CRTAM: variants seen among roughly 807,000 people sequenced by gnomAD.
CRTAM encodes cytotoxic and regulatory T cell molecule.
CRTAM carries 44 observed loss-of-function variants against 50.0 expected under a neutral mutation model. The observed-to-expected ratio is 0.88, with a 90% CI of 0.69 to 1.13. CRTAM has a LOEUF of 1.13. CRTAM is among the 50% of genes most tolerant of loss of function. CRTAM has a pLI of 0.00. For synonymous variants in CRTAM, 159 were observed against 169.3 expected, an observed-to-expected ratio of 0.94 and a Z score of 0.47; for missense variants, 448 against 457.5, an observed-to-expected ratio of 0.98 and a Z score of 0.19.
intron 9 of CRTAM, among the ~76,000 whole-genome samples, chr11:122,869,655 G>A (rs1248251814): frequency 6.6e-6 from 1 of 152,202 alleles, no homozygotes; most frequent in Non-Finnish European, 1.5e-5. Context: ...GCCAGGAGCT[G>A]CAAGAAATAC....
intron 1 of CRTAM, 97 bp downstream of exon 1, chr11:122,838,689 T>A (rs2135224234): frequency 1.8e-6 from 2 of 1,138,348 alleles, no homozygotes; most frequent in Non-Finnish European, 2.6e-6. Flanking sequence ...GAGGAGCTGC[T>A]GTAGAAGACA....
Position 122,872,519 on chromosome 11 carries a change from G to A in CRTAM, c.*1120G>A, listed in dbSNP as rs1862269253. The A allele has an allele frequency of 6.6e-6, 1 of 152,642 alleles. No homozygotes were observed. The highest frequency in any genetic ancestry group is 2.4e-5 in the African/African-American group (1 of 41,450). 9.5% of individuals were successfully genotyped at this position (152,642 alleles called of 1,614,324 possible). A position where few individuals can be genotyped will look rare whatever the true frequency, so the allele number is the denominator to read the frequency against. ...AGTTATACTTCCTGTTTTCACGTGT[G>A]AAAGTAACATGGGACATGCCTTTCT... On this transcript the variant is annotated 3_prime_UTR_variant, in exon 10 of 10. Transcript: ENST00000227348.
intron 1 of CRTAM, among the ~76,000 whole-genome samples, chr11:122,849,714 C>T (rs548862965): frequency 4.6e-4 from 70 of 151,694 alleles, no homozygotes; most frequent in Non-Finnish European, 7.9e-4. Flanking sequence ...CAGAGTGAGA[C>T]TTTGTCTCAA....
intron 5 of CRTAM, among the ~76,000 whole-genome samples, chr11:122,861,849 C>A (rs1313725808): frequency 3.9e-5 from 6 of 152,032 alleles, no homozygotes; most frequent in Admixed American, 6.6e-5. Context: ...ACTAGGCTGA[C>A]CCTCTGGAAA....
At chr11:122,850,040 G>T (rs1489373718) in intron 1 of CRTAM, 28 bp from the exon 2 acceptor site, 1 of 1,569,362 alleles carries the variant, frequency 6.4e-7, no homozygotes, top group South Asian at 1.2e-5. Flanking sequence ...CCCCCGGCCT[G>T]ATCATCCCCA....
chr11:122,849,288 G>C (rs1187713170), intron 1 of CRTAM, among the ~76,000 whole-genome samples: 3 of 152,222 alleles, frequency 2.0e-5, no homozygotes, highest in African/African-American at 4.8e-5. Context: ...GCTTAGATAG[G>C]CTGATGTAGT....
In CRTAM at chr11:122,860,834, A is replaced by C. The variant is rs924093738; in HGVS notation, c.653-1630A>C. Among the ~76,000 whole-genome samples, 7 of 152,148 alleles carry C rather than the reference A, an allele frequency of 4.6e-5. No homozygotes were observed. The East Asian group carries it at 9.7e-4, about 21-fold the overall frequency. On this transcript the variant is annotated intron_variant, in intron 5 of 9. Transcript: ENST00000227348. ...ATCCTCCTACCTTGGCCTCCTGAGT[A>C]GTTGGAACTACAGGGGCGCACCACC... is the stretch of plus-strand genomic sequence containing the variant.
intron 5 of CRTAM, among the ~76,000 whole-genome samples, chr11:122,860,651 G>A (rs1862060051): frequency 6.6e-6 from 1 of 152,138 alleles, no homozygotes; most frequent in South Asian, 2.1e-4. Context: ...TATGTTAGAA[G>A]ATTTAAATCA....
At chr11:122,866,354 C>T (rs1055110023) in intron 7 of CRTAM, among the ~76,000 whole-genome samples, 1 of 152,122 alleles carries the variant, frequency 6.6e-6, no homozygotes. Context: ...TGCCTCTGAA[C>T]CCCTGAACAC....
At chr11:122,860,204 T>G (rs1862054002) in intron 5 of CRTAM, among the ~76,000 whole-genome samples, 2 of 152,132 alleles carry the variant, frequency 1.3e-5, no homozygotes, top group Non-Finnish European at 2.9e-5. Context: ...CCCACCACCA[T>G]GCCCAGCTAG....
intron 5 of CRTAM, among the ~76,000 whole-genome samples, chr11:122,859,195 G>A (rs925128645): frequency 5.9e-5 from 9 of 151,918 alleles, no homozygotes; most frequent in African/African-American, 7.3e-5. Context: ...TGCAACTTCC[G>A]CCTCCTGGGT....
At chr11:122,855,635 A>C in intron 4 of CRTAM, 60 bp from the exon 5 acceptor site, 1 of 1,500,454 alleles carries the variant, frequency 6.7e-7, no homozygotes, top group East Asian at 2.3e-5. Context: ...TTGGCCTCTA[A>C]TAGAACCAAC....
In CRTAM at chr11:122,862,482, C is replaced by A; in HGVS notation, c.671C>A (p.Ala224Asp). The change falls in exon 6 of 10, where the codon GCT (alanine) becomes GAT (aspartate). Residue 224 changes from alanine to aspartate, a missense_variant. Coordinates refer to ENST00000227348, the MANE Select transcript of CRTAM (RefSeq NM_019604.4). Reference protein sequence around the residue: ...FEDLVTDEETASDALERNSLS... With the variant: ...FEDLVTDEETDSDALERNSLS... ...TTCCTAGTTACTGATGAAGAGACAGCTTCAGATGCTCTGGAGAGAAACTCT... is the reference window on the plus strand; with the variant it reads ...TTCCTAGTTACTGATGAAGAGACAGATTCAGATGCTCTGGAGAGAAACTCT... 6.2e-7 allele frequency: 1 copy of A among 1,612,666 alleles called. No individual in the cohort carries two copies. The highest frequency in any genetic ancestry group is 1.6e-4 in the Middle Eastern group (1 of 6,062).
intron 5 of CRTAM, among the ~76,000 whole-genome samples, chr11:122,861,827 G>T (rs1466008824): frequency 6.6e-6 from 1 of 151,952 alleles, no homozygotes; most frequent in Non-Finnish European, 1.5e-5. Flanking sequence ...TTCAATGACT[G>T]GTAAAACCTA....
At chr11:122,845,018 G>A (rs12098924) in intron 1 of CRTAM, among the ~76,000 whole-genome samples, 7,118 of 152,240 alleles carry the variant, frequency 0.047, 570 homozygotes, top group African/African-American at 0.16. Context: ...GAAAGGTGAT[G>A]AGGCCAGATG....
intron 7 of CRTAM, among the ~76,000 whole-genome samples, chr11:122,865,842 A>G (rs1862165479): frequency 6.6e-6 from 1 of 152,202 alleles, no homozygotes; most frequent in African/African-American, 2.4e-5. Flanking sequence ...CTATGTGTAT[A>G]TGTATATGCA....
chr11:122,867,636 G>T (rs1476277361), intron 8 of CRTAM, 81 bp downstream of exon 8: 1 of 1,403,876 alleles, frequency 7.1e-7, no homozygotes, highest in East Asian at 2.3e-5. Flanking sequence ...GTCCATTAAA[G>T]CTTTCTGTCA....
At chr11:122,857,028 A>C (rs538479504) in intron 5 of CRTAM, among the ~76,000 whole-genome samples, 5 of 152,326 alleles carry the variant, frequency 3.3e-5, no homozygotes, top group Admixed American at 6.5e-5. Context: ...CAATAGGAGA[A>C]CCAACAATGT....
chr11:122,845,665 C>A (rs1015344721), intron 1 of CRTAM, among the ~76,000 whole-genome samples: 1 of 151,966 alleles, frequency 6.6e-6, no homozygotes, highest in African/African-American at 2.4e-5. Flanking sequence ...TGAGATCATG[C>A]CACTGCACTG....
Sources: allele counts gnomAD v4.1 joint callset (sites outside exome capture counted in the v4.1 genomes callset), GRCh38; gene constraint gnomAD v4.1.1; transcripts MANE v1.5; gene names NCBI Gene and HGNC (gene_info 2026-07-23, HGNC 2026-07-21).